The following INPP4B variants were observed in gnomAD, a reference collection of about 807,000 sequenced individuals.
INPP4B encodes the protein inositol polyphosphate 4-phosphatase type II.
INPP4B carries 55 observed loss-of-function variants against 122.5 expected under a neutral mutation model. The observed-to-expected ratio is 0.45, with a 90% confidence interval of 0.36 to 0.56. INPP4B has a LOEUF of 0.56. INPP4B is among the 20% of genes least tolerant of loss of function. The probability of loss-of-function intolerance (pLI) is 0.00; values close to 1 mark genes in which losing one functional copy is unlikely to be tolerated. For synonymous variants in INPP4B, 403 were observed against 388.7 expected, an observed-to-expected ratio of 1.04 and a Z score of -0.43; for missense variants, 1,000 against 1,097.7, an observed-to-expected ratio of 0.91 and a Z score of 1.26.
intron 2 of INPP4B, among the ~76,000 whole-genome samples, chr4:142,607,472 C>G (rs1159297686): frequency 1.3e-5 from 2 of 152,066 alleles, no homozygotes; most frequent in Non-Finnish European, 2.9e-5. Flanking sequence ...GTGCTCTAGT[C>G]CTGGCTGACA....
intron 1 of INPP4B, among the ~76,000 whole-genome samples, chr4:142,737,469 G>C (rs1344794657): frequency 6.6e-6 from 1 of 152,094 alleles, no homozygotes; most frequent in Admixed American, 6.5e-5. Context: ...ATTCAAGATG[G>C]ATTAAAGACT....
chr4:142,209,528 C>G (rs746097020), intron 12 of INPP4B, among the ~76,000 whole-genome samples: 160 of 151,974 alleles, frequency 1.1e-3, no homozygotes, highest in Non-Finnish European at 1.7e-3. Flanking sequence ...CACGGTGGCT[C>G]ACGCCTGTAA....
At chr4:142,169,276 TC>T (rs536315471) in intron 16 of INPP4B, among the ~76,000 whole-genome samples, 85 of 151,804 alleles carry the variant, frequency 5.6e-4, no homozygotes, top group African/African-American at 2.0e-3. Context: ...TTCATTTTTA[TC>T]TAAACCATTT....
intron 1 of INPP4B, among the ~76,000 whole-genome samples, chr4:142,750,700 G>T (rs556714769): frequency 2.6e-5 from 4 of 152,040 alleles, no homozygotes; most frequent in African/African-American, 4.8e-5. Flanking sequence ...AAAGATTGAG[G>T]GGTCCAATTA....
At chr4:142,325,518 C>T (rs539817600) in intron 7 of INPP4B, among the ~76,000 whole-genome samples, 51 of 152,206 alleles carry the variant, frequency 3.4e-4, no homozygotes, top group Non-Finnish European at 5.6e-4. Flanking sequence ...TCACTAAATG[C>T]GATCATCTTT....
intron 7 of INPP4B, among the ~76,000 whole-genome samples, chr4:142,363,784 T>G (rs1418515603): frequency 6.6e-6 from 1 of 152,028 alleles, no homozygotes; most frequent in Non-Finnish European, 1.5e-5. Flanking sequence ...TTCCAAAGGT[T>G]TTCAGATATT....
intron 1 of INPP4B, among the ~76,000 whole-genome samples, chr4:142,757,356 A>C (rs575882907): frequency 6.6e-6 from 1 of 152,240 alleles, no homozygotes; most frequent in Non-Finnish European, 1.5e-5. Context: ...GTTTTGACAT[A>C]TATGTGATGA....
intron 18 of INPP4B, among the ~76,000 whole-genome samples, chr4:142,126,657 T>C (rs1239075184): frequency 2.6e-5 from 4 of 152,136 alleles, no homozygotes; most frequent in Non-Finnish European, 5.9e-5. Context: ...TCATTTAATA[T>C]TGGACAAACT....
chr4:142,081,226 T>A (rs1165107198), intron 25 of INPP4B, among the ~76,000 whole-genome samples: 1 of 152,156 alleles, frequency 6.6e-6, no homozygotes, highest in East Asian at 1.9e-4. Flanking sequence ...CATATGACAT[T>A]CCTTTCTGGG....
chr4:142,613,102 A>G (rs1245744189), intron 2 of INPP4B, among the ~76,000 whole-genome samples: 1 of 152,114 alleles, frequency 6.6e-6, no homozygotes, highest in African/African-American at 2.4e-5. Flanking sequence ...ACCACGAGGG[A>G]GCAGACCCAT....
At chr4:142,296,536 A>T (rs1446757586) in intron 9 of INPP4B, among the ~76,000 whole-genome samples, 3 of 152,256 alleles carry the variant, frequency 2.0e-5, no homozygotes, top group Non-Finnish European at 4.4e-5. Flanking sequence ...GCTAACATTT[A>T]TCAAGAACTT....
At chr4:142,150,072 CAG>C (rs1393614548) in intron 17 of INPP4B, among the ~76,000 whole-genome samples, 1 of 152,212 alleles carries the variant, frequency 6.6e-6, no homozygotes, top group Non-Finnish European at 1.5e-5. Flanking sequence ...AAAACATACA[CAG>C]AGGAAAGTTA....
chr4:142,692,183 C>A (rs1364659840), intron 2 of INPP4B, among the ~76,000 whole-genome samples: 2 of 152,058 alleles, frequency 1.3e-5, no homozygotes, highest in Non-Finnish European at 2.9e-5. Context: ...TGATAAAAGG[C>A]AGATTAATTG....
Position 142,260,426 on chromosome 4 carries a change from T to A in INPP4B, c.688+66A>T, listed in dbSNP as rs974902593. 1.3e-5 allele frequency: 13 copies of A among 1,003,698 alleles called. No homozygotes were observed. The East Asian group carries it at 2.7e-4, about 20-fold the overall frequency. 62.2% of individuals were successfully genotyped at this position (1,003,698 alleles called of 1,614,324 possible). On this transcript the variant is annotated intron_variant, in intron 11 of 25. Coordinates refer to ENST00000262992, the MANE Select transcript of INPP4B (RefSeq NM_001101669.3). ...CAACTGTGAGAATGCTGGTTCAGTG[T>A]TGATTTTACATAAAATTAAAATTCA...
At chr4:142,109,497 A>G (rs1245573087) in intron 22 of INPP4B, among the ~76,000 whole-genome samples, 5 of 152,104 alleles carry the variant, frequency 3.3e-5, no homozygotes, top group Non-Finnish European at 5.9e-5. Flanking sequence ...AGTTTCCACA[A>G]AGGCTTCCAA....
intron 2 of INPP4B, among the ~76,000 whole-genome samples, chr4:142,684,866 T>A (rs74732714): frequency 0.051 from 7,733 of 152,036 alleles, 269 homozygotes; most frequent in South Asian, 0.076. Context: ...TGGACAAAAT[T>A]GGCATAAGAC....
chr4:142,109,743 C>G (rs1215538345), intron 22 of INPP4B, among the ~76,000 whole-genome samples: 1 of 152,160 alleles, frequency 6.6e-6, no homozygotes, highest in Non-Finnish European at 1.5e-5. Context: ...TCCTTCCACA[C>G]CTTTAATTAT....
At chr4:142,250,138 T>C (rs774070653) in intron 11 of INPP4B, among the ~76,000 whole-genome samples, 1 of 152,232 alleles carries the variant, frequency 6.6e-6, no homozygotes, top group Non-Finnish European at 1.5e-5. Flanking sequence ...ATCTTTCTTA[T>C]GGAATTGTAA....
At chr4:142,033,202 A>C (rs1389890042) in intron 25 of INPP4B, among the ~76,000 whole-genome samples, 1 of 152,186 alleles carries the variant, frequency 6.6e-6, no homozygotes, top group Non-Finnish European at 1.5e-5. Context: ...TTCAGCAAAG[A>C]GGGAAAAGTC....
Sources: gnomAD v4.1 joint callset for allele counts (sites outside exome capture counted in the v4.1 genomes callset) on GRCh38, gnomAD v4.1.1 for gene constraint, MANE v1.5 for transcripts, NCBI Gene and HGNC (gene_info 2026-07-23, HGNC 2026-07-21) for gene names.